ANKS1A: variants seen among roughly 807,000 people sequenced by gnomAD.
ANKS1A encodes the protein ankyrin repeat and SAM domain-containing protein 1A.
A neutral mutation model predicts 120.3 loss-of-function variants in ANKS1A; 55 were observed. The ratio of observed to expected loss-of-function variants is 0.46; its 90% CI spans 0.37 to 0.57. The LOEUF is 0.57. ANKS1A is among the 20% of genes least tolerant of loss of function. The pLI is 0.00. For synonymous variants in ANKS1A, 590 were observed against 604.7 expected, an observed-to-expected ratio of 0.98 and a Z score of 0.36; for missense variants, 1,123 against 1,480.3, an observed-to-expected ratio of 0.76 and a Z score of 3.96.
intron 1 of ANKS1A, among the ~76,000 whole-genome samples, chr6:34,905,170 A>G (rs1277240279): frequency 6.6e-6 from 1 of 152,222 alleles, no homozygotes; most frequent in African/African-American, 2.4e-5. Flanking sequence ...CACATGATGA[A>G]TCTGGCTGGC....
chr6:35,096,011 CTTTTA>C (rs1778461613), downstream of ANKS1A, among the ~76,000 whole-genome samples: 1 of 152,182 alleles, frequency 6.6e-6, no homozygotes, highest in South Asian at 2.1e-4. Context: ...ATATCATTTT[CTTTTA>C]TTAGAGGGCC....
intron 9 of ANKS1A, among the ~76,000 whole-genome samples, chr6:34,991,915 A>G (rs1772598401): frequency 6.6e-6 from 1 of 151,328 alleles, no homozygotes; most frequent in East Asian, 1.9e-4. Context: ...GTTGAAAATC[A>G]GTTATTGCCG....
In ANKS1A at chr6:35,082,928, G is replaced by A; in HGVS notation, c.2835+112G>A. 1 of 1,503,374 alleles carries A rather than the reference G, an allele frequency of 6.7e-7. No individual in the cohort carries two copies. Among genetic ancestry groups the A allele is most frequent in the East Asian group, 2.3e-5 (1 of 43,136 alleles). 93.1% of individuals were successfully genotyped at this position (1,503,374 alleles called of 1,614,324 possible). A position where few individuals can be genotyped will look rare whatever the true frequency, so the allele number is the denominator to read the frequency against. On this transcript the variant is annotated intron_variant, in intron 18 of 23. Transcript: ENST00000360359. The surrounding 1 kb of genome is among the most constrained non-coding windows in gnomAD (Gnocchi z 4.1). ...ACAAAGCCAGGCCCAGGGCTTTTGA[G>A]CTGTTCTCCACTCTCAGCCACTCTT...
intron 1 of ANKS1A, among the ~76,000 whole-genome samples, chr6:34,905,008 G>A (rs9366873): frequency 0.08 from 12,191 of 152,164 alleles, 683 homozygotes; most frequent in East Asian, 0.33. Flanking sequence ...ACAGGGTTTC[G>A]CCATGTTGGC....
intron 1 of ANKS1A, among the ~76,000 whole-genome samples, chr6:34,936,282 C>T (rs1012138007): frequency 2.0e-5 from 3 of 152,074 alleles, no homozygotes; most frequent in East Asian, 1.9e-4. Context: ...GAAAGACCTC[C>T]ACTGTCACTG....
rs1379779716 is a variant in ANKS1A at position 34,983,390 on chromosome 6, T to A, written c.977T>A (p.Ile326Asn). 1 of 1,611,918 alleles carries A rather than the reference T, an allele frequency of 6.2e-7. No homozygotes were observed. The highest frequency in any genetic ancestry group is 2.2e-5 in the East Asian group (1 of 44,744). ...DKTPPPQPPL[I>N]SSMDSISQKS... The stretch of plus-strand genomic sequence containing the variant: ...ACCCCCCCACCCCAGCCACCTCTCA[T>A]CTCCAGTATGGACTCCATATCACAG... Residue 326 changes from isoleucine to asparagine, a missense_variant, in exon 7 of 24, where the codon ATC becomes AAC. Physicochemically the swap from Ile to Asn is moderately radical, Grantham distance 149 (BLOSUM62 -3). Around this residue, in one of 3 missense-constraint regions of ANKS1A, gnomAD observed 904 missense variants for 1,130.4 expected, o/e 0.80. Coordinates refer to ENST00000360359, the MANE Select transcript of ANKS1A (RefSeq NM_015245.3).
chr6:35,086,861 C>T lies in ANKS1A; in HGVS notation c.3304-91C>T, dbSNP rs574132738. 5 of 1,295,424 alleles carry T rather than the reference C, an allele frequency of 3.9e-6. No homozygotes were observed. The highest frequency in any genetic ancestry group is 1.2e-5 in the South Asian group (1 of 84,514). The allele number at this position is 1,295,424 out of a possible 1,614,324, so 80.2% of individuals were successfully genotyped here. A position where few individuals can be genotyped will look rare whatever the true frequency, so the allele number is the denominator to read the frequency against. ...AGGGCTGCCCCTCCCAGCACAGGGG[C>T]CACAGCCTGGCCTGGGGGTGGGAGG... On this transcript the variant is annotated intron_variant, in intron 22 of 23. Transcript: ENST00000360359. This position sits in a 1 kb window ranked among gnomAD's most constrained non-coding sequence, Gnocchi z 5.1.
At chr6:34,903,504 G>C (rs1212403827) in intron 1 of ANKS1A, among the ~76,000 whole-genome samples, 2 of 151,060 alleles carry the variant, frequency 1.3e-5, no homozygotes, top group Admixed American at 6.6e-5. Flanking sequence ...TTGTTTGTTT[G>C]TTTTTTTAAA....
intron 11 of ANKS1A, among the ~76,000 whole-genome samples, chr6:35,025,069 C>T (rs1216988703): frequency 6.6e-6 from 1 of 152,010 alleles, no homozygotes; most frequent in African/African-American, 2.4e-5. Flanking sequence ...ACAGAGTAGT[C>T]ACAACTGTTA....
Position 35,017,632 on chromosome 6 carries a change from C to G in ANKS1A, c.1583C>G (p.Pro528Arg). The change falls in exon 11 of 24, where the codon CCA (proline) becomes CGA (arginine). Residue 528 changes from proline to arginine, a missense_variant. Pro to Arg is a moderately radical substitution (Grantham distance 103). Coordinates refer to ENST00000360359, the MANE Select transcript of ANKS1A (RefSeq NM_015245.3). ...CTCTGTACCGCTGGCCAGAGCCATCCAGACGGGTCCCCCCAGCAGGGCGCC... is the reference window on the plus strand; with the variant it reads ...CTCTGTACCGCTGGCCAGAGCCATCGAGACGGGTCCCCCCAGCAGGGCGCC... ...QLLCTAGQSH[P>R]DGSPQQGACH... is the part of the protein sequence containing the mutation. 6.2e-7 allele frequency: 1 copy of G among 1,613,830 alleles called. No individual in the cohort carries two copies. The highest frequency in any genetic ancestry group is 8.5e-7 in the Non-Finnish European group (1 of 1,179,886).
chr6:35,085,650 T>C lies in ANKS1A; in HGVS notation c.3133-116T>C. 9.8e-7 allele frequency: 1 copy of C among 1,017,698 alleles called. No individual in the cohort carries two copies. Among genetic ancestry groups the C allele is most frequent in the Non-Finnish European group, 1.4e-6 (1 of 723,146 alleles). 63.0% of individuals were successfully genotyped at this position (1,017,698 alleles called of 1,614,324 possible). A position where few individuals can be genotyped will look rare whatever the true frequency, so the allele number is the denominator to read the frequency against. On this transcript the variant is annotated intron_variant, in intron 21 of 23. Transcript: ENST00000360359. This position sits in a 1 kb window ranked among gnomAD's most constrained non-coding sequence, Gnocchi z 4.7. ...GAAAGGAGGGAAGAGTGGAAGGAGG[T>C]AGGAGCGCTCCCGGGTAGACTTAGA...
chr6:35,032,701 T>A (rs1016169289), intron 11 of ANKS1A, among the ~76,000 whole-genome samples: 1 of 152,192 alleles, frequency 6.6e-6, no homozygotes, highest in African/African-American at 2.4e-5. Flanking sequence ...AATTAAGCCC[T>A]TCTCCTTCAC....
At chr6:34,970,751 G>A (rs1300269288) in intron 3 of ANKS1A, among the ~76,000 whole-genome samples, 1 of 152,170 alleles carries the variant, frequency 6.6e-6, no homozygotes. Flanking sequence ...CACTTTGGAA[G>A]GCTGAGGCAG....
chr6:35,080,475 C>T (rs1263057680), intron 16 of ANKS1A, among the ~76,000 whole-genome samples: 3 of 152,226 alleles, frequency 2.0e-5, no homozygotes, highest in Non-Finnish European at 4.4e-5. Flanking sequence ...CTCCCCGAGC[C>T]CTCGGGTGCA....
chr6:34,982,132 T>G lies in ANKS1A; in HGVS notation c.732+146T>G. 9.5e-7 allele frequency: 1 copy of G among 1,053,242 alleles called. No homozygotes were observed. Among genetic ancestry groups the G allele is most frequent in the East Asian group, 2.6e-5 (1 of 39,018 alleles). The allele number at this position is 1,053,242 out of a possible 1,614,324, so 65.2% of individuals were successfully genotyped here. A position where few individuals can be genotyped will look rare whatever the true frequency, so the allele number is the denominator to read the frequency against. ...GCTTATTTGCCGACTCATTCTAATG[T>G]GACACTAAGAAACAAATGAACTCCT... On this transcript the variant is annotated intron_variant, in intron 4 of 23. Transcript: ENST00000360359. The surrounding 1 kb of genome is among the most constrained non-coding windows in gnomAD (Gnocchi z 4.9).
intron 11 of ANKS1A, among the ~76,000 whole-genome samples, chr6:35,020,404 A>G (rs1774273986): frequency 6.6e-6 from 1 of 152,244 alleles, no homozygotes; most frequent in Non-Finnish European, 1.5e-5. Flanking sequence ...GGACTTGAAC[A>G]TCCACAGGTT....
At chr6:34,897,831 T>G (rs1011508076) in intron 1 of ANKS1A, among the ~76,000 whole-genome samples, 1 of 152,172 alleles carries the variant, frequency 6.6e-6, no homozygotes, top group Non-Finnish European at 1.5e-5. Context: ...AACAAGATAG[T>G]TGTATCTGTT....
intron 1 of ANKS1A, among the ~76,000 whole-genome samples, chr6:34,955,668 G>A (rs1770329247): frequency 6.6e-6 from 1 of 151,790 alleles, no homozygotes; most frequent in Admixed American, 6.6e-5. Context: ...CCTCTTTCTC[G>A]GTTTGCTCAT....
intron 11 of ANKS1A, among the ~76,000 whole-genome samples, chr6:35,027,564 G>A (rs1421036909): frequency 6.6e-6 from 1 of 152,100 alleles, no homozygotes; most frequent in Non-Finnish European, 1.5e-5. Flanking sequence ...AGATGGTGGG[G>A]GATAGGCTTT....
Sources: gnomAD v4.1 joint callset for allele counts (sites outside exome capture counted in the v4.1 genomes callset) on GRCh38, gnomAD v4.1.1 for gene constraint, gnomAD v4.1.1 regional missense constraint, Gnocchi (gnomAD v3.1) non-coding constraint, MANE v1.5 for transcripts, NCBI Gene and HGNC (gene_info 2026-07-23, HGNC 2026-07-21) for gene names.